CDKN2AIPNL: variants seen among roughly 807,000 people sequenced by gnomAD.
CDKN2AIPNL encodes the protein CDKN2AIP N-terminal-like protein.
Under a neutral mutation model 12.9 loss-of-function variants are expected in CDKN2AIPNL, and 9 were observed. That is an observed-to-expected ratio of 0.70 (90% confidence interval 0.42 to 1.22). CDKN2AIPNL has a LOEUF of 1.22. Ranked by LOEUF, CDKN2AIPNL falls within the 50% of genes most tolerant of loss-of-function variation. The pLI is 0.00. For synonymous variants in CDKN2AIPNL, 53 were observed against 61.7 expected, an observed-to-expected ratio of 0.86 and a Z score of 0.66; for missense variants, 143 against 153.6, an observed-to-expected ratio of 0.93 and a Z score of 0.37.
intron 2 of CDKN2AIPNL, among the ~76,000 whole-genome samples, chr5:134,407,330 G>A (rs190436259): frequency 7.5e-4 from 114 of 151,256 alleles, no homozygotes; most frequent in African/African-American, 2.6e-3. Context: ...TGTTTGGGAC[G>A]TGCCAAACCT....
chr5:134,409,518 C>A (rs1759159300), intron 2 of CDKN2AIPNL, among the ~76,000 whole-genome samples: 1 of 152,132 alleles, frequency 6.6e-6, no homozygotes, highest in Non-Finnish European at 1.5e-5. Flanking sequence ...AGAAGCCAAA[C>A]AAGTCAGGTC....
intron 2 of CDKN2AIPNL, among the ~76,000 whole-genome samples, chr5:134,408,279 G>A (rs1759135740): frequency 6.6e-6 from 1 of 151,916 alleles, no homozygotes; most frequent in Non-Finnish European, 1.5e-5. Flanking sequence ...CCCAAGGACT[G>A]CCCAGTATTT....
rs1044278906 is a variant in CDKN2AIPNL, at chr5:134,411,077, C to A, written c.239+539G>T. On this transcript the variant is annotated intron_variant, in intron 1 of 2. Coordinates refer to ENST00000458198, the MANE Select transcript of CDKN2AIPNL (RefSeq NM_080656.3). ...TGAAGCTGGTTCCTACTTAGGACCCCGTGGGCTGTGGAGTGAGGAGAAAAA... is the reference window on the plus strand; with the variant it reads ...TGAAGCTGGTTCCTACTTAGGACCCAGTGGGCTGTGGAGTGAGGAGAAAAA... The A allele has an allele frequency of 4.3e-6, 3 of 702,384 alleles. No individual in the cohort carries two copies. The African/African-American group carries it at 5.2e-5, about 12-fold the overall frequency. 43.5% of individuals were successfully genotyped at this position (702,384 alleles called of 1,614,324 possible).
intron 1 of CDKN2AIPNL, chr5:134,411,208 T>C: frequency 3.0e-6 from 2 of 665,928 alleles, no homozygotes; most frequent in Non-Finnish European, 5.4e-6. Flanking sequence ...AGCTTTTTCA[T>C]CTGTAAAATG....
chr5:134,411,714 G>A lies in CDKN2AIPNL; in HGVS notation c.141C>T (p.His47=). ...CGGGCGGGTCGCGGTAGTCGGGCAG[G>A]TGGCGCAGGATGAATTCCATGCGGG... is the stretch of plus-strand genomic sequence containing the variant. ...WKARMEFILR[H]LPDYRDPPDG... Residue 47 remains histidine (H), a synonymous_variant, in exon 1 of 3, where the codon CAC becomes CAT. Coordinates refer to ENST00000458198, the MANE Select transcript of CDKN2AIPNL (RefSeq NM_080656.3). 6.2e-7 allele frequency: 1 copy of A among 1,613,254 alleles called. No individual in the cohort carries two copies. The highest frequency in any genetic ancestry group is 1.1e-5 in the South Asian group (1 of 90,974).
At chr5:134,410,176 C>A (rs1323374755) in intron 1 of CDKN2AIPNL, among the ~76,000 whole-genome samples, 174 bp from the exon 2 acceptor site, 1 of 152,178 alleles carries the variant, frequency 6.6e-6, no homozygotes, top group Non-Finnish European at 1.5e-5. Flanking sequence ...TGCTCTGTCC[C>A]CCAGGTTGGA....
At chr5:134,411,198 A>C in intron 1 of CDKN2AIPNL, 1 of 674,226 alleles carries the variant, frequency 1.5e-6, no homozygotes, top group East Asian at 2.7e-5. Flanking sequence ...TCTCTCCCTA[A>C]GCTTTTTCAT....
At chr5:134,404,155 C>T (rs925332218) in intron 2 of CDKN2AIPNL, among the ~76,000 whole-genome samples, 1 of 152,188 alleles carries the variant, frequency 6.6e-6, no homozygotes, top group Non-Finnish European at 1.5e-5. Context: ...CAGGTGTTTG[C>T]AGGTGATACA....
At chr5:134,403,379 AG>A (rs1416797232) in intron 2 of CDKN2AIPNL, among the ~76,000 whole-genome samples, 1 of 152,218 alleles carries the variant, frequency 6.6e-6, no homozygotes, top group Non-Finnish European at 1.5e-5. Flanking sequence ...AAACTGTAAA[AG>A]CTTGTCTTCA....
Position 134,411,723 on chromosome 5 carries a change from G to A in CDKN2AIPNL, c.132C>T (p.Ile44=). 1.9e-6 allele frequency: 3 copies of A among 1,613,262 alleles called. No homozygotes were observed. The South Asian group carries it at 3.3e-5, about 18-fold the overall frequency. ...EKQWKARMEF[I]LRHLPDYRDP... ...CGCGGTAGTCGGGCAGGTGGCGCAG[G>A]ATGAATTCCATGCGGGCCTTCCATT... is the stretch of plus-strand genomic sequence containing the variant. The change falls in exon 1 of 3, where the codon ATC becomes ATT. Residue 44 remains isoleucine, a synonymous_variant. Coordinates refer to ENST00000458198, the MANE Select transcript of CDKN2AIPNL (RefSeq NM_080656.3).
At position 134,411,874 on chromosome 5, in the gene CDKN2AIPNL, G is replaced by GGGAAGATGTTTAAAAACCAAAGTTA; in HGVS notation, c.-21_-20insTAACTTTGGTTTTTAAACATCTTCC. The GGGAAGATGTTTAAAAACCAAAGTTA allele has an allele frequency of 6.5e-7, 1 of 1,548,200 alleles. No individual in the cohort carries two copies. Among genetic ancestry groups the GGGAAGATGTTTAAAAACCAAAGTTA allele is most frequent in the Non-Finnish European group, 8.7e-7 (1 of 1,145,854 alleles). ...GACCATGGTGCCCGCCGCAGCCGAG[G>GGGAAGATGTTTAAAAACCAAAGTTA]ACCGGATAGCCCGCCGCCTTCCCGA... On this transcript the variant is annotated 5_prime_UTR_variant, in exon 1 of 3. Coordinates refer to ENST00000458198, the MANE Select transcript of CDKN2AIPNL (RefSeq NM_080656.3).
At chr5:134,407,256 A>AACACACACACACACACACACACAC (rs5871539) in intron 2 of CDKN2AIPNL, among the ~76,000 whole-genome samples, 6 of 139,610 alleles carry the variant, frequency 4.3e-5, no homozygotes, top group African/African-American at 8.1e-5. Context: ...GACCCTTCCT[A>AACACACACACACACACACACACAC]ACACACACAC....
Position 134,402,186 on chromosome 5 carries a change from TC to T in CDKN2AIPNL, c.*728del, listed in dbSNP as rs1759038508. On this transcript the variant is annotated 3_prime_UTR_variant, in exon 3 of 3. Transcript: ENST00000458198. ...ATCTTGGCTCACTGCAACCTCCACC[TC>T]CCAGGTTCAAGCAGTTCTTCTGCTT... 6.6e-6 allele frequency: 1 copy of T among 152,166 alleles called. No individual in the cohort carries two copies. The highest frequency in any genetic ancestry group is 6.6e-5 in the Admixed American group (1 of 15,252). 9.4% of individuals were successfully genotyped at this position (152,166 alleles called of 1,614,324 possible).
In CDKN2AIPNL at chr5:134,402,900, G is replaced by C. The variant is rs144422509; in HGVS notation, c.*15C>G. 118 of 1,608,402 alleles carry C rather than the reference G, an allele frequency of 7.3e-5. No individual in the cohort carries two copies. The highest frequency in any genetic ancestry group is 5.5e-4 in the Admixed American group (33 of 59,792). On this transcript the variant is annotated 3_prime_UTR_variant, in exon 3 of 3. Transcript: ENST00000458198. ...ATCCTGTAGCTGATGATGAAAATGT[G>C]ATAAATCTTCTGGCTTAGCTTTGAT... is the stretch of plus-strand genomic sequence containing the variant.
At chr5:134,406,251 GAGAT>G (rs1759102647) in intron 2 of CDKN2AIPNL, among the ~76,000 whole-genome samples, 1 of 152,168 alleles carries the variant, frequency 6.6e-6, no homozygotes, top group Non-Finnish European at 1.5e-5. Flanking sequence ...TGTCTGTCTT[GAGAT>G]ACCAACAATG....
intron 2 of CDKN2AIPNL, among the ~76,000 whole-genome samples, chr5:134,406,376 T>C (rs1176964744): frequency 6.6e-6 from 1 of 152,212 alleles, no homozygotes; most frequent in African/African-American, 2.4e-5. Context: ...TTCAGGTGTA[T>C]GGCTGGACAT....
intron 2 of CDKN2AIPNL, among the ~76,000 whole-genome samples, chr5:134,406,806 G>A (rs1199052160): frequency 6.6e-6 from 1 of 152,202 alleles, no homozygotes; most frequent in Non-Finnish European, 1.5e-5. Flanking sequence ...GCAGGTCAAG[G>A]CTGCGGGTAG....
At chr5:134,411,136 G>A (rs1469613494) in intron 1 of CDKN2AIPNL, 10 of 702,308 alleles carry the variant, frequency 1.4e-5, no homozygotes, top group South Asian at 1.3e-4. Context: ...TCTCATTAGT[G>A]ATTAAAATCC....
rs903988776 is a variant in CDKN2AIPNL, at chr5:134,411,078, G to A, written c.239+538C>T. ...GAAGCTGGTTCCTACTTAGGACCCCGTGGGCTGTGGAGTGAGGAGAAAAAG... is the reference window on the plus strand; with the variant it reads ...GAAGCTGGTTCCTACTTAGGACCCCATGGGCTGTGGAGTGAGGAGAAAAAG... On this transcript the variant is annotated intron_variant, in intron 1 of 2. Coordinates refer to ENST00000458198, the MANE Select transcript of CDKN2AIPNL (RefSeq NM_080656.3). 1.4e-5 allele frequency: 10 copies of A among 702,454 alleles called. No homozygotes were observed. In the African/African-American group the frequency reaches 1.7e-4, roughly 12 times the overall value. 43.5% of individuals were successfully genotyped at this position (702,454 alleles called of 1,614,324 possible). A position where few individuals can be genotyped will look rare whatever the true frequency, so the allele number is the denominator to read the frequency against.
Sources: allele counts gnomAD v4.1 joint callset (sites outside exome capture counted in the v4.1 genomes callset), GRCh38; gene constraint gnomAD v4.1.1; transcripts MANE v1.5; gene names NCBI Gene and HGNC (gene_info 2026-07-23, HGNC 2026-07-21).